GRIA3: variants seen among roughly 807,000 people sequenced by gnomAD.
The protein encoded by GRIA3 is glutamate receptor 3.
A neutral mutation model predicts 63.0 loss-of-function variants in GRIA3; 3 were observed. The observed-to-expected ratio is 0.05, with a 90% confidence interval of 0.02 to 0.12. The LOEUF is 0.12. GRIA3 is among the 10% of genes least tolerant of loss of function. GRIA3 has a pLI of 1.00. For synonymous variants in GRIA3, 274 were observed against 257.9 expected (o/e 1.06, Z -0.60); for missense variants, 347 against 700.9 (o/e 0.50, Z 5.70).
intron 3 of GRIA3, among the ~76,000 whole-genome samples, chrX:123,316,590 A>G (rs2044833087): frequency 8.9e-6 from 1 of 112,522 alleles, no homozygotes; most frequent in Non-Finnish European, 1.9e-5. Context: ...TCAGCACGGC[A>G]TTATTCATAA....
chrX:123,253,571 AG>A, intron 3 of GRIA3, 29 bp downstream of exon 3: 2 of 1,176,703 alleles, frequency 1.7e-6, no homozygotes, highest in South Asian at 1.8e-5. Flanking sequence ...TCTGCTCTTT[AG>A]ATATTCATGT....
intron 5 of GRIA3, among the ~76,000 whole-genome samples, chrX:123,393,498 C>A (rs939054068): frequency 8.9e-6 from 1 of 111,992 alleles, no homozygotes; most frequent in Non-Finnish European, 1.9e-5. Flanking sequence ...CAAAACTCAT[C>A]AAGTACATTT....
intron 11 of GRIA3, among the ~76,000 whole-genome samples, chrX:123,419,107 C>T (rs1425839136): frequency 8.9e-6 from 1 of 111,922 alleles, no homozygotes; most frequent in Non-Finnish European, 1.9e-5. Context: ...CATGGATGAA[C>T]CTTAAAAATG....
intron 3 of GRIA3, among the ~76,000 whole-genome samples, chrX:123,275,323 G>C (rs2044548397): frequency 8.9e-6 from 1 of 111,993 alleles, no homozygotes; most frequent in African/African-American, 3.2e-5. Context: ...AGATTGTGTA[G>C]CTTGCCCAGA....
At chrX:123,352,663 C>G (rs951122680) in intron 4 of GRIA3, among the ~76,000 whole-genome samples, 1 of 111,694 alleles carries the variant, frequency 9.0e-6, no homozygotes, top group Non-Finnish European at 1.9e-5. Flanking sequence ...TTATTCCCCT[C>G]TAAGCATTGC....
At chrX:123,313,197 G>A (rs1413069530) in intron 3 of GRIA3, among the ~76,000 whole-genome samples, 17 of 111,517 alleles carry the variant, frequency 1.5e-4, no homozygotes. Context: ...TGTTTTACGT[G>A]GGTTTCTTTA....
intron 3 of GRIA3, among the ~76,000 whole-genome samples, chrX:123,313,618 G>T (rs1312325867): frequency 9.0e-6 from 1 of 111,257 alleles, no homozygotes; most frequent in Non-Finnish European, 1.9e-5. Flanking sequence ...ATGTTAAGAG[G>T]TTTATCTTGG....
intron 15 of GRIA3, 69 bp downstream of exon 15, chrX:123,483,115 T>C: frequency 1.1e-6 from 1 of 912,824 alleles, no homozygotes; most frequent in Non-Finnish European, 1.6e-6. Context: ...TTTCTTCTTT[T>C]TTTTTTTTTT....
intron 2 of GRIA3, among the ~76,000 whole-genome samples, chrX:123,236,583 T>C (rs754797286): frequency 1.8e-5 from 2 of 111,274 alleles, no homozygotes; most frequent in African/African-American, 6.5e-5. Flanking sequence ...GTAATTATTA[T>C]TATTCCTATA....
chrX:123,409,692 C>A (rs2147388251), intron 10 of GRIA3, among the ~76,000 whole-genome samples: 1 of 111,889 alleles, frequency 8.9e-6, no homozygotes, highest in Admixed American at 9.5e-5. Flanking sequence ...GCATTTTTTG[C>A]TAGCAGGGCT....
In GRIA3 at chrX:123,387,281, G is replaced by A. The variant is rs148281100; in HGVS notation, c.751-7687G>A. Among the ~76,000 whole-genome samples the A allele has an allele frequency of 5.4e-3, 600 of 110,792 alleles. 2 individuals carry two copies. The highest frequency in any genetic ancestry group is 0.019 in the African/African-American group (569 of 30,500). ...ATAAAAACACTACTGATTTCTGTAC[G>A]TTGATTTTATATCCTGCAATTTTAC... On this transcript the variant is annotated intron_variant, in intron 5 of 15. Coordinates refer to ENST00000620443, the MANE Select transcript of GRIA3 (RefSeq NM_007325.5).
intron 3 of GRIA3, among the ~76,000 whole-genome samples, chrX:123,307,484 G>A (rs906959038): frequency 8.9e-6 from 1 of 112,065 alleles, no homozygotes; most frequent in Admixed American, 9.5e-5. Context: ...ATCACTGGAG[G>A]CAAAACTTTG....
At chrX:123,219,729 G>A (rs975727940) in intron 2 of GRIA3, among the ~76,000 whole-genome samples, 2 of 112,021 alleles carry the variant, frequency 1.8e-5, no homozygotes, top group Non-Finnish European at 3.8e-5. Context: ...AAGGGCCTCC[G>A]GGTCCTTGCT....
chrX:123,194,206 G>T (rs1308821768), intron 2 of GRIA3, among the ~76,000 whole-genome samples: 1 of 110,571 alleles, frequency 9.0e-6, no homozygotes, highest in Non-Finnish European at 1.9e-5. Context: ...ATTTTCAGAG[G>T]TAAAATCAGT....
chrX:123,379,660 A>C (rs1177181548), intron 5 of GRIA3, among the ~76,000 whole-genome samples: 1 of 34,687 alleles, frequency 2.9e-5, no homozygotes, highest in Non-Finnish European at 5.7e-5. Flanking sequence ...TTTTTTTATT[A>C]TACTTTAAGT....
intron 13 of GRIA3, among the ~76,000 whole-genome samples, chrX:123,467,965 T>C (rs2045843225): frequency 8.9e-6 from 1 of 112,214 alleles, no homozygotes; most frequent in Non-Finnish European, 1.9e-5. Flanking sequence ...AATTTTGATA[T>C]GCAAATAGAA....
intron 3 of GRIA3, among the ~76,000 whole-genome samples, chrX:123,296,242 C>G (rs1257087005): frequency 2.7e-5 from 3 of 111,148 alleles, no homozygotes; most frequent in African/African-American, 6.5e-5. Context: ...AAAGGACAGA[C>G]TAGATTACAG....
At chrX:123,336,241 G>T (rs1329168048) in intron 4 of GRIA3, among the ~76,000 whole-genome samples, 1 of 112,099 alleles carries the variant, frequency 8.9e-6, no homozygotes, top group African/African-American at 3.2e-5. Context: ...AAAATAAAAT[G>T]TGCAGACTCA....
intron 3 of GRIA3, among the ~76,000 whole-genome samples, chrX:123,308,009 T>C (rs762840537): frequency 7.2e-5 from 8 of 111,489 alleles, no homozygotes; most frequent in Admixed American, 2.8e-4. Flanking sequence ...ACATAAATTT[T>C]TCAGCATGTT....
Sources: allele counts gnomAD v4.1 joint callset (sites outside exome capture counted in the v4.1 genomes callset), GRCh38; gene constraint gnomAD v4.1.1; transcripts MANE v1.5; gene names NCBI Gene and HGNC (gene_info 2026-07-23, HGNC 2026-07-21).